The following COL24A1 variants were observed in gnomAD, a reference collection of about 807,000 sequenced individuals.
COL24A1 encodes collagen type XXIV alpha 1 chain.
COL24A1 carries 224 observed loss-of-function variants against 253.9 expected under a neutral mutation model. The ratio of observed to expected loss-of-function variants is 0.88; its 90% confidence interval spans 0.79 to 0.99. COL24A1 has a LOEUF of 0.99. Among genes scored for constraint, COL24A1 ranks in the 50% least tolerant of loss-of-function variants. The pLI, the probability that COL24A1 is intolerant of heterozygous loss-of-function variation, is 0.00. For missense variants in COL24A1, 2,131 were observed against 2,068.5 expected, an observed-to-expected ratio of 1.03 and a Z score of -0.59; for synonymous variants, 685 against 673.7, an observed-to-expected ratio of 1.02 and a Z score of -0.26.
At chr1:85,859,210 G>T (rs1236410332) in intron 37 of COL24A1, among the ~76,000 whole-genome samples, 3 of 152,110 alleles carry the variant, frequency 2.0e-5, no homozygotes, top group Non-Finnish European at 4.4e-5. Context: ...AATATTTAAT[G>T]AATGAATAAA....
At chr1:85,829,734 A>G (rs1674924971) in intron 43 of COL24A1, among the ~76,000 whole-genome samples, 1 of 151,944 alleles carries the variant, frequency 6.6e-6, no homozygotes, top group Middle Eastern at 3.4e-3. Context: ...AGGCTTCTGC[A>G]TTCTTCACGT....
intron 47 of COL24A1, among the ~76,000 whole-genome samples, chr1:85,807,990 G>T (rs570751122): frequency 6.6e-6 from 1 of 152,242 alleles, no homozygotes; most frequent in African/African-American, 2.4e-5. Flanking sequence ...GTCCAATAAA[G>T]ACTGTGAGCT....
chr1:86,129,836 C>T (rs972634161), intron 2 of COL24A1, among the ~76,000 whole-genome samples: 1 of 151,756 alleles, frequency 6.6e-6, no homozygotes, highest in African/African-American at 2.4e-5. Context: ...CATAAGCACT[C>T]GGAAAGGTGT....
intron 14 of COL24A1, among the ~76,000 whole-genome samples, chr1:86,026,792 CAGA>C (rs1698073947): frequency 6.6e-6 from 1 of 152,100 alleles, no homozygotes; most frequent in African/African-American, 2.4e-5. Flanking sequence ...GTGGAGGGCT[CAGA>C]AGAAGACAGG....
intron 7 of COL24A1, among the ~76,000 whole-genome samples, chr1:86,069,779 C>T (rs1453789506): frequency 6.6e-6 from 1 of 152,218 alleles, no homozygotes; most frequent in African/African-American, 2.4e-5. Flanking sequence ...CAAGGCAGTA[C>T]CTCTACAAAA....
At chr1:85,970,149 G>T in intron 22 of COL24A1, 78 bp downstream of exon 22, 3 of 1,265,626 alleles carry the variant, frequency 2.4e-6, no homozygotes, top group East Asian at 2.5e-5. Context: ...AATGTAAAAT[G>T]TTATGATGTT....
chr1:86,059,056 A>G (rs1368324241), intron 9 of COL24A1, 65 bp downstream of exon 9: 1 of 1,011,480 alleles, frequency 9.9e-7, no homozygotes, highest in African/African-American at 1.7e-5. Flanking sequence ...AATTCTCAAA[A>G]TCAGAAATAC....
At chr1:85,775,078 T>C (rs1668392635) in intron 53 of COL24A1, among the ~76,000 whole-genome samples, 1 of 152,240 alleles carries the variant, frequency 6.6e-6, no homozygotes, top group Admixed American at 6.5e-5. Flanking sequence ...GTGTCTTTGT[T>C]CTCATTGGTT....
At chr1:86,085,362 TGA>T (rs1452704334) in intron 7 of COL24A1, among the ~76,000 whole-genome samples, 1 of 152,184 alleles carries the variant, frequency 6.6e-6, no homozygotes, top group Non-Finnish European at 1.5e-5. Context: ...CTCACTAAAC[TGA>T]GAGGATTTTT....
intron 8 of COL24A1, among the ~76,000 whole-genome samples, chr1:86,061,483 A>C (rs1430317105): frequency 6.6e-6 from 1 of 152,136 alleles, no homozygotes; most frequent in African/African-American, 2.4e-5. Flanking sequence ...GTTATAGAAC[A>C]TAAGTGAAAT....
intron 57 of COL24A1, among the ~76,000 whole-genome samples, chr1:85,740,934 C>A (rs1664548080): frequency 9.0e-6 from 1 of 110,964 alleles, no homozygotes; most frequent in African/African-American, 3.2e-5. Context: ...ACGGTGAAAC[C>A]CTGTCTCTTC....
intron 8 of COL24A1, among the ~76,000 whole-genome samples, chr1:86,063,357 C>CTGTGTGTGTGTGTG (rs201355392): frequency 2.2e-5 from 3 of 138,958 alleles, no homozygotes; most frequent in African/African-American, 5.6e-5. Flanking sequence ...AAGTCTCTCT[C>CTGTGTGTGTGTGTG]TCTGTGTGTG....
chr1:85,763,818 G>T (rs1257401515), intron 53 of COL24A1, among the ~76,000 whole-genome samples: 1 of 151,960 alleles, frequency 6.6e-6, no homozygotes, highest in Non-Finnish European at 1.5e-5. Context: ...TTCTAAAGGG[G>T]AACCAAATTA....
At chr1:85,760,786 C>G (rs1054113427) in intron 55 of COL24A1, among the ~76,000 whole-genome samples, 1 of 151,920 alleles carries the variant, frequency 6.6e-6, no homozygotes, top group African/African-American at 2.4e-5. Flanking sequence ...TCATAGGGAG[C>G]AGAAAGACAA....
intron 2 of COL24A1, among the ~76,000 whole-genome samples, chr1:86,134,098 A>T (rs1649799896): frequency 6.6e-6 from 1 of 152,114 alleles, no homozygotes; most frequent in South Asian, 2.1e-4. Flanking sequence ...ATTTTGAGGA[A>T]TTTATCCATT....
At chr1:85,994,729 T>C (rs1236306823) in intron 19 of COL24A1, among the ~76,000 whole-genome samples, 2 of 152,196 alleles carry the variant, frequency 1.3e-5, no homozygotes, top group East Asian at 1.9e-4. Context: ...AAATTCACTT[T>C]CCCAGTAATC....
At chr1:86,031,735 G>A (rs1995421) in intron 14 of COL24A1, 143 bp downstream of exon 14, 3 of 426,172 alleles carry the variant, frequency 7.0e-6, no homozygotes, top group Non-Finnish European at 1.2e-5. Flanking sequence ...ATATCTGGTT[G>A]AAAAAAATAC....
chr1:85,887,890 C>T (rs941505505), intron 32 of COL24A1, among the ~76,000 whole-genome samples: 2 of 152,116 alleles, frequency 1.3e-5, no homozygotes, highest in African/African-American at 4.8e-5. Flanking sequence ...TATACTCTTT[C>T]CATAGGCAAT....
intron 12 of COL24A1, among the ~76,000 whole-genome samples, chr1:86,034,783 G>T (rs555289): frequency 6.6e-6 from 1 of 151,790 alleles, no homozygotes; most frequent in Admixed American, 6.6e-5. Context: ...ATAACTCAAC[G>T]CTCAGCTACT....
Sources: allele counts gnomAD v4.1 joint callset (sites outside exome capture counted in the v4.1 genomes callset), GRCh38; gene constraint gnomAD v4.1.1; transcripts MANE v1.5; gene names NCBI Gene and HGNC (gene_info 2026-07-23, HGNC 2026-07-21).